The following STPG2 variants were observed in gnomAD, a reference collection of about 807,000 sequenced individuals.
The protein encoded by STPG2 is sperm-tail PG-rich repeat-containing protein 2.
STPG2 carries 56 observed loss-of-function variants against 54.2 expected under a neutral mutation model. The ratio of observed to expected loss-of-function variants is 1.03; its 90% CI spans 0.83 to 1.29. The LOEUF (loss-of-function observed/expected upper bound fraction) is 1.29. Among genes scored for constraint, STPG2 ranks in the 50% most tolerant of loss-of-function variants. STPG2 has a pLI of 0.00. For missense variants in STPG2, 596 were observed against 544.9 expected, an observed-to-expected ratio of 1.09 and a Z score of -0.93; for synonymous variants, 200 against 181.8, an observed-to-expected ratio of 1.10 and a Z score of -0.81.
At chr4:97,554,344 C>A (rs1732031840), downstream of STPG2, among the ~76,000 whole-genome samples, 1 of 152,176 alleles carries the variant, frequency 6.6e-6, no homozygotes, top group South Asian at 2.1e-4. Context: ...AAGAAAGAAT[C>A]CAGTCTTCAG....
chr4:97,936,408 G>A (rs1218091058), intron 8 of STPG2, among the ~76,000 whole-genome samples: 10 of 152,092 alleles, frequency 6.6e-5, no homozygotes, highest in Non-Finnish European at 1.5e-4. Flanking sequence ...TATTAAATTC[G>A]ATCCTGTCAT....
chr4:97,905,053 T>A (rs1034037938), intron 8 of STPG2, among the ~76,000 whole-genome samples: 77 of 151,930 alleles, frequency 5.1e-4, no homozygotes, highest in Non-Finnish European at 1.1e-3. Context: ...TCCAGGAGAA[T>A]TTCCCCAATC....
At position 97,970,386 on chromosome 4, in the gene STPG2, A is replaced by G. The variant is rs533022618; in HGVS notation, c.933+1894T>C. On this transcript the variant is annotated intron_variant, in intron 7 of 10. Coordinates refer to ENST00000295268, the MANE Select transcript of STPG2 (RefSeq NM_174952.3). ...AAGCAAAAAGAATAAAGCTGGAGGC[A>G]TCATGCTACCTGACTTCAAACTATA... 3.3e-5 allele frequency among the ~76,000 whole-genome samples: 5 copies of G among 152,342 alleles called. No homozygotes were observed. The South Asian group carries it at 6.2e-4, about 19-fold the overall frequency.
chr4:97,824,617 G>A (rs1363086055), intron 9 of STPG2, among the ~76,000 whole-genome samples: 1 of 152,158 alleles, frequency 6.6e-6, no homozygotes, highest in Non-Finnish European at 1.5e-5. Context: ...GCTTGACCTT[G>A]TAACCACGTG....
At chr4:98,112,960 G>A (rs555269703) in intron 3 of STPG2, among the ~76,000 whole-genome samples, 63 of 148,230 alleles carry the variant, frequency 4.3e-4, no homozygotes, top group Non-Finnish European at 8.7e-4. Context: ...TTCTAACACA[G>A]ACAATCCTCA....
intron 4 of STPG2, among the ~76,000 whole-genome samples, chr4:97,508,731 A>G (rs1440775750): frequency 2.6e-5 from 4 of 152,164 alleles, no homozygotes; most frequent in Non-Finnish European, 5.9e-5. Context: ...ACAAAAAATA[A>G]TTTTTATTAA....
chr4:97,562,234 T>C (rs1045765329), intron 10 of STPG2, among the ~76,000 whole-genome samples: 1 of 152,184 alleles, frequency 6.6e-6, no homozygotes, highest in African/African-American at 2.4e-5. Context: ...ATGATTTGGC[T>C]CTCTGTTTGT....
Position 97,943,960 on chromosome 4 carries a change from G to A in STPG2, c.981C>T (p.Asn327=), listed in dbSNP as rs746009793. The change falls in exon 8 of 11, where the codon AAC becomes AAT. Residue 327 remains asparagine, a synonymous_variant. Transcript: ENST00000295268. ...QGVGISDELP[N]LTNKYAAFLS... is the part of the protein sequence containing the mutation. ...AGAAAGCAGCATATTTGTTAGTCAA[G>A]TTAGGTAATTCATCAGAAATTCCCA... is the stretch of plus-strand genomic sequence containing the variant. 6.2e-7 allele frequency: 1 copy of A among 1,606,266 alleles called. No individual in the cohort carries two copies. Among genetic ancestry groups the A allele is most frequent in the Admixed American group, 1.7e-5 (1 of 58,186 alleles).
intron 4 of STPG2, among the ~76,000 whole-genome samples, chr4:97,542,798 T>G (rs60293690): frequency 0.017 from 2,615 of 152,124 alleles, 68 homozygotes; most frequent in African/African-American, 0.058. Flanking sequence ...CCATAAAAAA[T>G]GATGAGTTCA....
intron 5 of STPG2, among the ~76,000 whole-genome samples, chr4:98,066,740 T>C (rs1280372727): frequency 6.6e-6 from 1 of 152,182 alleles, no homozygotes; most frequent in Non-Finnish European, 1.5e-5. Flanking sequence ...CTACTGTTGT[T>C]TGTGAGTCAA....
chr4:98,010,407 T>C (rs985218184), intron 5 of STPG2, among the ~76,000 whole-genome samples: 3 of 152,168 alleles, frequency 2.0e-5, no homozygotes, highest in Admixed American at 2.0e-4. Context: ...GTTTTTTACT[T>C]AATGTCTGTT....
chr4:97,733,597 T>C (rs1281269340), intron 9 of STPG2, among the ~76,000 whole-genome samples: 1 of 152,132 alleles, frequency 6.6e-6, no homozygotes, highest in East Asian at 1.9e-4. Context: ...CAAAAATTAA[T>C]TTAACAAAAT....
intron 9 of STPG2, among the ~76,000 whole-genome samples, chr4:97,720,978 T>A (rs112580450): frequency 6.6e-6 from 1 of 151,980 alleles, no homozygotes; most frequent in African/African-American, 2.4e-5. Flanking sequence ...TAAGAGACAA[T>A]CTTCTCCCTC....
At chr4:97,616,817 G>A (rs370821102) in intron 10 of STPG2, among the ~76,000 whole-genome samples, 11 of 152,010 alleles carry the variant, frequency 7.2e-5, no homozygotes, top group African/African-American at 2.7e-4. Flanking sequence ...TTTAACCAAT[G>A]TATGCCAATG....
chr4:97,575,395 C>T (rs1347065218), intron 10 of STPG2, among the ~76,000 whole-genome samples: 1 of 152,050 alleles, frequency 6.6e-6, no homozygotes, highest in Non-Finnish European at 1.5e-5. Context: ...AAACCAAATC[C>T]AGCAGCACAT....
At chr4:97,948,416 A>T (rs759490093) in intron 7 of STPG2, among the ~76,000 whole-genome samples, 1 of 151,936 alleles carries the variant, frequency 6.6e-6, no homozygotes, top group East Asian at 1.9e-4. Flanking sequence ...GTTCAAATAC[A>T]TGTAGTTCTA....
At chr4:98,082,151 C>T (rs2110117032) in intron 5 of STPG2, among the ~76,000 whole-genome samples, 1 of 152,208 alleles carries the variant, frequency 6.6e-6, no homozygotes, top group East Asian at 1.9e-4. Context: ...ACTCTAGTGC[C>T]TCAGGGAATT....
intron 4 of STPG2, among the ~76,000 whole-genome samples, chr4:97,521,395 A>G (rs937826524): frequency 6.6e-6 from 1 of 152,094 alleles, no homozygotes; most frequent in Admixed American, 6.6e-5. Context: ...AGTTTGATAT[A>G]GTTAGAGACA....
chr4:97,975,962 T>C (rs1396628438), intron 6 of STPG2, among the ~76,000 whole-genome samples: 5 of 152,162 alleles, frequency 3.3e-5, no homozygotes, highest in Admixed American at 3.3e-4. Flanking sequence ...AAGAAACAGT[T>C]GACAAAAGAG....
Sources: gnomAD v4.1 joint callset for allele counts (sites outside exome capture counted in the v4.1 genomes callset) on GRCh38, gnomAD v4.1.1 for gene constraint, MANE v1.5 for transcripts, NCBI Gene and HGNC (gene_info 2026-07-23, HGNC 2026-07-21) for gene names.